The following C6orf89 variants were observed in gnomAD, a reference collection of about 807,000 sequenced individuals.
C6orf89 encodes the protein chromosome 6 open reading frame 89.
In C6orf89, 29 loss-of-function variants were observed where a neutral mutation model predicts 40.7. That is an observed-to-expected ratio of 0.71 (90% confidence interval 0.53 to 0.97). The LOEUF (loss-of-function observed/expected upper bound fraction) is 0.97, where lower values mean the gene tolerates loss of function less well. Ranked by LOEUF, C6orf89 falls within the 50% of genes least tolerant of loss-of-function variation. The probability of loss-of-function intolerance (pLI) is 0.00; values close to 1 mark genes in which losing one functional copy is unlikely to be tolerated. For missense variants in C6orf89, 392 were observed against 429.1 expected, an observed-to-expected ratio of 0.91 and a Z score of 0.76; for synonymous variants, 165 against 152.2, an observed-to-expected ratio of 1.08 and a Z score of -0.62.
Position 36,895,747 on chromosome 6 carries a change from C to T in C6orf89, c.-20+1144C>T, listed in dbSNP as rs377406647. On this transcript the variant is annotated intron_variant, in intron 2 of 8. Coordinates refer to ENST00000480824, the MANE Select transcript of C6orf89 (RefSeq NM_001286635.2). ...TACCACATTGTGATTATCCTTTCAT[C>T]AGTTCATGGACATTTGGATTACTTC... 2.6e-5 allele frequency among the ~76,000 whole-genome samples: 4 copies of T among 152,318 alleles called. No homozygotes were observed. The South Asian group carries it at 8.3e-4, about 32-fold the overall frequency.
chr6:36,881,020 C>A (rs1485186644), upstream of C6orf89, among the ~76,000 whole-genome samples: 1 of 152,172 alleles, frequency 6.6e-6, no homozygotes, highest in East Asian at 1.9e-4. Flanking sequence ...TACAGCCTGC[C>A]TGCTTTATAG....
chr6:36,911,360 G>C (rs1382298107), intron 4 of C6orf89, among the ~76,000 whole-genome samples: 3 of 151,966 alleles, frequency 2.0e-5, no homozygotes, highest in African/African-American at 7.2e-5. Context: ...CTTCGTGGCG[G>C]GCACCTGTAA....
intron 8 of C6orf89, among the ~76,000 whole-genome samples, chr6:36,920,531 C>T (rs1261933724): frequency 6.6e-6 from 1 of 152,114 alleles, no homozygotes; most frequent in Non-Finnish European, 1.5e-5. Context: ...TTCAGAAGAC[C>T]CCCAAGCCCC....
At position 36,925,423 on chromosome 6, in the gene C6orf89, A is replaced by G. The variant is rs934482640; in HGVS notation, c.*1982A>G. 1 of 152,164 alleles carries G rather than the reference A, an allele frequency of 6.6e-6. No individual in the cohort carries two copies. Among genetic ancestry groups the G allele is most frequent in the Non-Finnish European group, 1.5e-5 (1 of 68,036 alleles). The allele number at this position is 152,164 out of a possible 1,614,324, so 9.4% of individuals were successfully genotyped here. On this transcript the variant is annotated 3_prime_UTR_variant, in exon 9 of 9. Coordinates refer to ENST00000480824, the MANE Select transcript of C6orf89 (RefSeq NM_001286635.2). ...TCCCCATTTCACTCTTGCCCTTCAC[A>G]TCTTAAATGTCCATAAGAAACCCTT...
intron 2 of C6orf89, among the ~76,000 whole-genome samples, chr6:36,898,405 G>A (rs1470640724): frequency 1.3e-5 from 2 of 151,068 alleles, no homozygotes; most frequent in Admixed American, 6.6e-5. Context: ...TCAGCCGCCC[G>A]AGTAGCTGGG....
chr6:36,914,444 A>C lies in C6orf89; in HGVS notation c.555+9A>C. On this transcript the variant is annotated intron_variant, in intron 5 of 8. Coordinates refer to ENST00000480824, the MANE Select transcript of C6orf89 (RefSeq NM_001286635.2). ...ATCCACTGGTGATCAAGGTGAGCAG[A>C]AGCCTGAGTCTCCCGCTGATTGGCT... 1 of 1,614,156 alleles carries C rather than the reference A, an allele frequency of 6.2e-7. No homozygotes were observed. Among genetic ancestry groups the C allele is most frequent in the Non-Finnish European group, 8.5e-7 (1 of 1,179,972 alleles).
intron 5 of C6orf89, 37 bp from the exon 6 acceptor site, chr6:36,914,517 C>T: frequency 6.2e-7 from 1 of 1,612,838 alleles, no homozygotes; most frequent in Non-Finnish European, 8.5e-7. Flanking sequence ...TGACAAGTAA[C>T]TCTGTGTTGT....
chr6:36,889,186 A>G (rs1238370549), intron 1 of C6orf89, among the ~76,000 whole-genome samples: 5 of 152,162 alleles, frequency 3.3e-5, no homozygotes, highest in Non-Finnish European at 7.4e-5. Context: ...AGGGAGATAG[A>G]TAATGGGGTA....
intron 8 of C6orf89, among the ~76,000 whole-genome samples, chr6:36,922,461 A>C (rs564188903): frequency 1.0e-3 from 155 of 152,354 alleles, no homozygotes; most frequent in Non-Finnish European, 1.9e-3. Flanking sequence ...TTCATAGCCC[A>C]CTCAAATGAT....
intron 2 of C6orf89, chr6:36,879,143 T>A (rs1004355481): frequency 6.6e-6 from 1 of 152,476 alleles, no homozygotes; most frequent in African/African-American, 2.4e-5. Context: ...GTAAGCTCCC[T>A]CTCGGATCTC....
chr6:36,890,584 G>T (rs1761168412), intron 1 of C6orf89, among the ~76,000 whole-genome samples: 1 of 152,006 alleles, frequency 6.6e-6, no homozygotes. Context: ...CTCAGGCTGG[G>T]GTGCCATGAT....
intron 1 of C6orf89, among the ~76,000 whole-genome samples, chr6:36,891,584 T>C (rs1214159867): frequency 3.9e-5 from 6 of 152,204 alleles, no homozygotes; most frequent in African/African-American, 1.4e-4. Flanking sequence ...TCTTCCACAA[T>C]GGTTGAAGGA....
intron 8 of C6orf89, among the ~76,000 whole-genome samples, chr6:36,920,453 A>G (rs1762473190): frequency 6.6e-6 from 1 of 152,196 alleles, no homozygotes; most frequent in Non-Finnish European, 1.5e-5. Flanking sequence ...CACAAAACCT[A>G]GGCAAGACCT....
chr6:36,914,600 A>G lies in C6orf89; in HGVS notation c.602A>G (p.Gln201Arg), dbSNP rs766554082. Reference sequence around the variant, plus strand: ...GAAGAGATTCAGCATTTTTTGTGCCAGTACCCTGAGGCGACAGAAGGCTTC... The same window carrying G: ...GAAGAGATTCAGCATTTTTTGTGCCGGTACCCTGAGGCGACAGAAGGCTTC... ...LEEEIQHFLC[Q>R]YPEATEGFSE... is the part of the protein sequence containing the mutation. Residue 201 changes from glutamine (Q) to arginine (R), a missense_variant, in exon 6 of 9, where the codon CAG becomes CGG. Gln to Arg is a conservative substitution (Grantham distance 43). Coordinates refer to ENST00000480824, the MANE Select transcript of C6orf89 (RefSeq NM_001286635.2). 3 of 1,614,252 alleles carry G rather than the reference A, an allele frequency of 1.9e-6. No individual in the cohort carries two copies. The highest frequency in any genetic ancestry group is 2.5e-6 in the Non-Finnish European group (3 of 1,180,044).
Position 36,899,532 on chromosome 6 carries a change from A to G in C6orf89, c.88A>G (p.Met30Val). ...GAGACAGACCGGCCATCAGTGTGGC[A>G]TGTCAGAGAAGGCAATTGAAAAATT... ...LVRQTGHQCG[M>V]SEKAIEKFIR... The change falls in exon 3 of 9, where the codon ATG becomes GTG. Residue 30 changes from methionine (M) to valine (V), a missense_variant. Coordinates refer to ENST00000480824, the MANE Select transcript of C6orf89 (RefSeq NM_001286635.2). 6.2e-7 allele frequency: 1 copy of G among 1,614,170 alleles called. No homozygotes were observed. Among genetic ancestry groups the G allele is most frequent in the Non-Finnish European group, 8.5e-7 (1 of 1,180,014 alleles).
At position 36,909,692 on chromosome 6, in the gene C6orf89, GGATCAC is replaced by G. The variant is rs1430732054; in HGVS notation, c.404-4591_404-4586del. Among the ~76,000 whole-genome samples, 172 of 151,850 alleles carry G rather than the reference GGATCAC, an allele frequency of 1.1e-3. 1 individual carries two copies. The highest frequency in any genetic ancestry group is 4.0e-3 in the African/African-American group (165 of 41,394). The stretch of plus-strand genomic sequence containing the variant: ...AGCTACTCTGGCAGCTGAGGTGGGA[GGATCAC>G]CTGAGCCCGGGGAGGTCAAGGCCAC... On this transcript the variant is annotated intron_variant, in intron 4 of 8. Transcript: ENST00000480824.
intron 3 of C6orf89, among the ~76,000 whole-genome samples, chr6:36,900,596 C>T (rs562345198): frequency 2.8e-4 from 41 of 148,402 alleles, no homozygotes; most frequent in Middle Eastern, 3.8e-3. Context: ...AACTCCCAGA[C>T]TCAGGTGATC....
At chr6:36,910,869 G>C (rs1255247658) in intron 4 of C6orf89, among the ~76,000 whole-genome samples, 1 of 152,138 alleles carries the variant, frequency 6.6e-6, no homozygotes, top group Non-Finnish European at 1.5e-5. Context: ...TTATGAATGA[G>C]ATTATTTTCC....
At chr6:36,892,602 T>C (rs766592792) in intron 1 of C6orf89, among the ~76,000 whole-genome samples, 18 of 152,158 alleles carry the variant, frequency 1.2e-4, no homozygotes, top group Non-Finnish European at 2.4e-4. Context: ...TAAAGTAGTG[T>C]CTCTTAATTG....
Sources: gnomAD v4.1 joint callset for allele counts (sites outside exome capture counted in the v4.1 genomes callset) on GRCh38, gnomAD v4.1.1 for gene constraint, MANE v1.5 for transcripts, NCBI Gene and HGNC (gene_info 2026-07-23, HGNC 2026-07-21) for gene names.